DDX10: variants seen among roughly 807,000 people sequenced by gnomAD.
DDX10 encodes DEAD-box helicase 10.
DDX10 carries 74 observed loss-of-function variants against 104.3 expected under a neutral mutation model. The observed-to-expected ratio is 0.71, with a 90% CI of 0.59 to 0.86. The LOEUF (loss-of-function observed/expected upper bound fraction) is 0.86, where lower values mean the gene tolerates loss of function less well. Among genes scored for constraint, DDX10 ranks in the 40% least tolerant of loss-of-function variants. The pLI is 0.00. For synonymous variants in DDX10, 351 were observed against 353.4 expected (o/e 0.99, Z 0.08); for missense variants, 952 against 1,040.0 (o/e 0.92, Z 1.16).
chr11:108,900,441 A>G (rs1442448714), intron 16 of DDX10, among the ~76,000 whole-genome samples: 3 of 152,204 alleles, frequency 2.0e-5, no homozygotes, highest in African/African-American at 7.2e-5. Context: ...TTTCTAAAAT[A>G]CTTAAAGTCC....
chr11:108,692,183 C>G, intron 8 of DDX10, 145 bp downstream of exon 8: 1 of 686,014 alleles, frequency 1.5e-6, no homozygotes. Flanking sequence ...AAATTGGTAG[C>G]AGTTGACTAA....
At chr11:108,743,184 A>T (rs1189308619) in intron 13 of DDX10, among the ~76,000 whole-genome samples, 1 of 152,180 alleles carries the variant, frequency 6.6e-6, no homozygotes, top group Non-Finnish European at 1.5e-5. Context: ...ATCTGCCACA[A>T]TCAAGTAGGC....
chr11:108,786,992 A>G (rs766409362), intron 13 of DDX10, among the ~76,000 whole-genome samples: 3 of 148,918 alleles, frequency 2.0e-5, no homozygotes, highest in Non-Finnish European at 4.5e-5. Flanking sequence ...TTAAACTTTT[A>G]TTTCAATGTT....
At chr11:108,875,541 T>G (rs1451134197) in intron 16 of DDX10, among the ~76,000 whole-genome samples, 13 of 152,310 alleles carry the variant, frequency 8.5e-5, no homozygotes, top group Non-Finnish European at 1.5e-4. Context: ...TCAGAATGCC[T>G]TTTGTGGCTG....
At chr11:108,817,741 G>A (rs1385108227) in intron 13 of DDX10, among the ~76,000 whole-genome samples, 3 of 152,140 alleles carry the variant, frequency 2.0e-5, no homozygotes, top group Non-Finnish European at 1.5e-5. Context: ...GGCTTAAAAA[G>A]TGCTTTTAAA....
At chr11:108,883,560 G>T (rs979534938) in intron 16 of DDX10, among the ~76,000 whole-genome samples, 2 of 152,066 alleles carry the variant, frequency 1.3e-5, no homozygotes, top group Non-Finnish European at 2.9e-5. Context: ...AATAAGGGGG[G>T]AAGTCTCTTT....
intron 16 of DDX10, among the ~76,000 whole-genome samples, chr11:108,857,382 G>A (rs941833913): frequency 1.3e-5 from 2 of 152,184 alleles, no homozygotes; most frequent in African/African-American, 4.8e-5. Context: ...CTCAGCATGT[G>A]TAAAAGGTTA....
chr11:108,752,650 C>A (rs1405615032), intron 13 of DDX10, among the ~76,000 whole-genome samples: 1 of 151,986 alleles, frequency 6.6e-6, no homozygotes, highest in Non-Finnish European at 1.5e-5. Flanking sequence ...TTGCCACATG[C>A]CATGTGGTAG....
intron 1 of DDX10, 30 bp from the exon 2 acceptor site, chr11:108,673,437 T>C: frequency 6.8e-7 from 1 of 1,462,820 alleles, no homozygotes; most frequent in Non-Finnish European, 9.6e-7. Flanking sequence ...AACAAATGAG[T>C]TACCCTGATT....
intron 13 of DDX10, among the ~76,000 whole-genome samples, chr11:108,817,563 G>A (rs182469378): frequency 5.5e-4 from 84 of 152,078 alleles, no homozygotes; most frequent in Non-Finnish European, 1.0e-3. Context: ...CTTGACATAC[G>A]TGCATATTTG....
intron 13 of DDX10, among the ~76,000 whole-genome samples, chr11:108,755,818 A>G (rs1026690355): frequency 8.6e-5 from 13 of 152,016 alleles, no homozygotes; most frequent in African/African-American, 2.9e-4. Flanking sequence ...CCTCTTCTGG[A>G]AAATAAGACT....
At chr11:108,919,546 T>C (rs1417579235) in intron 17 of DDX10, 2 of 152,214 alleles carry the variant, frequency 1.3e-5, no homozygotes, top group African/African-American at 4.8e-5. Flanking sequence ...TTTTGGTAGA[T>C]GTGATTTAAT....
chr11:108,842,908 T>C lies in DDX10; in HGVS notation c.2247+1432T>C, dbSNP rs560133947. ...AATATGAAGGATTTACATAAAATAA[T>C]GTTCACCCTCTTCCCCTTCCTTGCC... On this transcript the variant is annotated intron_variant, in intron 15 of 17. Transcript: ENST00000322536. 9.2e-5 allele frequency among the ~76,000 whole-genome samples: 14 copies of C among 152,344 alleles called. No individual in the cohort carries two copies. The South Asian group carries it at 2.9e-3, about 32-fold the overall frequency.
chr11:108,778,224 C>A (rs1282048422), intron 13 of DDX10, among the ~76,000 whole-genome samples: 1 of 152,152 alleles, frequency 6.6e-6, no homozygotes. Flanking sequence ...AAAAAAGAGC[C>A]TGCATTGCCA....
chr11:108,787,421 A>G (rs1250007073), intron 13 of DDX10, among the ~76,000 whole-genome samples: 3 of 151,906 alleles, frequency 2.0e-5, no homozygotes, highest in African/African-American at 4.8e-5. Context: ...CGTAGAGTAT[A>G]TTCTCAAATA....
At chr11:108,841,560 AGT>A in intron 15 of DDX10, 84 bp downstream of exon 15, 1 of 1,227,338 alleles carries the variant, frequency 8.1e-7, no homozygotes, top group African/African-American at 1.5e-5. Flanking sequence ...TTCATTAATA[AGT>A]GTATTATTTT....
intron 13 of DDX10, among the ~76,000 whole-genome samples, chr11:108,819,064 A>G (rs774101048): frequency 6.6e-6 from 1 of 152,168 alleles, no homozygotes; most frequent in East Asian, 1.9e-4. Flanking sequence ...TTGTTTTCAT[A>G]GAGTTTTTGC....
intron 13 of DDX10, among the ~76,000 whole-genome samples, chr11:108,797,039 A>ATT (rs879284918): frequency 2.1e-5 from 3 of 144,566 alleles, no homozygotes; most frequent in South Asian, 2.2e-4. Context: ...CCCTCTTCTA[A>ATT]TTTTTTTTTT....
intron 1 of DDX10, 83 bp downstream of exon 1, chr11:108,665,422 G>A: frequency 7.0e-7 from 1 of 1,432,334 alleles, no homozygotes; most frequent in African/African-American, 1.5e-5. Context: ...CAGAGTGGAG[G>A]CGGCGGATCT....
Sources: allele counts gnomAD v4.1 joint callset (sites outside exome capture counted in the v4.1 genomes callset), GRCh38; gene constraint gnomAD v4.1.1; transcripts MANE v1.5; gene names NCBI Gene and HGNC (gene_info 2026-07-23, HGNC 2026-07-21).